Variants in CWH43 observed in about 807,000 individuals in gnomAD.
CWH43 encodes PGAP2-interacting protein.
In CWH43, 91 loss-of-function variants were observed where a neutral mutation model predicts 85.7. That is an observed-to-expected ratio of 1.06 (90% CI 0.90 to 1.26). CWH43 has a LOEUF of 1.26. Ranked by LOEUF, CWH43 falls within the 50% of genes most tolerant of loss-of-function variation. CWH43 has a pLI of 0.00. For synonymous variants in CWH43, 323 were observed against 293.6 expected (o/e 1.10, Z -1.02); for missense variants, 869 against 839.2 (o/e 1.04, Z -0.44).
intron 9 of CWH43, among the ~76,000 whole-genome samples, chr4:49,018,580 G>T (rs554832402): frequency 2.6e-5 from 4 of 152,108 alleles, no homozygotes; most frequent in Non-Finnish European, 5.9e-5. Context: ...AGTTTTAAAT[G>T]TTTTAATATC....
intron 11 of CWH43, 52 bp from the exon 12 acceptor site, chr4:49,032,514 T>C: frequency 6.2e-7 from 1 of 1,601,102 alleles, no homozygotes; most frequent in Non-Finnish European, 8.6e-7. Flanking sequence ...TCCCAGTGCA[T>C]GGTAGAATGG....
chr4:49,017,771 A>C (rs1400422448), intron 9 of CWH43, among the ~76,000 whole-genome samples: 2 of 152,128 alleles, frequency 1.3e-5, no homozygotes, highest in African/African-American at 2.4e-5. Flanking sequence ...AGTGAAAGGC[A>C]AACAGGGAGC....
intron 12 of CWH43, among the ~76,000 whole-genome samples, chr4:49,036,658 C>T (rs1480976201): frequency 2.0e-5 from 3 of 152,206 alleles, no homozygotes; most frequent in South Asian, 2.1e-4. Flanking sequence ...GGGCACCATT[C>T]CTTGCTCTTA....
chr4:48,992,072 C>T lies in CWH43; in HGVS notation c.493C>T (p.Leu165Phe), dbSNP rs1474244607. The change falls in exon 4 of 16, where the codon CTT becomes TTT. Residue 165 changes from leucine to phenylalanine, a missense_variant. Leu to Phe is a conservative substitution (Grantham distance 22). Coordinates refer to ENST00000226432, the MANE Select transcript of CWH43 (RefSeq NM_025087.3). This position sits in a 1 kb window ranked among gnomAD's most constrained non-coding sequence, Gnocchi z 4.3. ...ACTGACATTAAGTGCCATAGCCACA[C>T]TTGATCGTATTGGCACAGGTAATAC... ...VILTLSAIAT[L>F]DRIGTDGDCS... The T allele has an allele frequency of 6.2e-7, 1 of 1,613,788 alleles. No homozygotes were observed. The highest frequency in any genetic ancestry group is 8.5e-7 in the Non-Finnish European group (1 of 1,179,868).
Position 49,061,812 on chromosome 4 carries a change from A to C in CWH43, c.2022A>C (p.Arg674Ser). The C allele has an allele frequency of 7.2e-7, 1 of 1,385,976 alleles. No individual in the cohort carries two copies. The highest frequency in any genetic ancestry group is 9.6e-7 in the Non-Finnish European group (1 of 1,043,448). 85.9% of individuals were successfully genotyped at this position (1,385,976 alleles called of 1,614,324 possible). A position where few individuals can be genotyped will look rare whatever the true frequency, so the allele number is the denominator to read the frequency against. Residue 674 changes from arginine (R) to serine (S), a missense_variant and splice_region_variant, in exon 16 of 16, where the codon AGA becomes AGC. Arg to Ser is a moderately radical substitution (Grantham distance 110). Coordinates refer to ENST00000226432, the MANE Select transcript of CWH43 (RefSeq NM_025087.3). Reference protein sequence around the residue: ...EVSEKIHFNPRFGSYKEGHNY... With the variant: ...EVSEKIHFNPSFGSYKEGHNY... ...TTTTATTTATTTTTTATTTTTTTAG[A>C]TTTGGATCCTACAAAGAAGGACACA...
At chr4:49,009,876 G>C (rs1364978802) in intron 8 of CWH43, among the ~76,000 whole-genome samples, 3 of 152,246 alleles carry the variant, frequency 2.0e-5, no homozygotes, top group East Asian at 1.9e-4. Context: ...GATTTGGTTT[G>C]CCAGTATTTT....
At chr4:49,017,363 A>T (rs776094638) in intron 9 of CWH43, 35 bp downstream of exon 9, 1 of 1,390,004 alleles carries the variant, frequency 7.2e-7, no homozygotes, top group South Asian at 1.2e-5. Flanking sequence ...AGAATTTTAT[A>T]TGGTATATAT....
chr4:49,059,623 A>G (rs1785076074), intron 15 of CWH43, among the ~76,000 whole-genome samples: 1 of 152,196 alleles, frequency 6.6e-6, no homozygotes, highest in African/African-American at 2.4e-5. Context: ...TGGCTGGTCC[A>G]AAGATTCTCA....
chr4:48,998,538 G>T lies in CWH43; in HGVS notation c.792G>T (p.Trp264Cys), dbSNP rs765237802. The T allele has an allele frequency of 1.2e-6, 2 of 1,613,358 alleles. No homozygotes were observed. Among genetic ancestry groups the T allele is most frequent in the Non-Finnish European group, 1.7e-6 (2 of 1,179,314 alleles). The part of the protein sequence containing the change: ...CLWFRGTGLI[W>C]WVTGTASAAG... ...GGTTTCGTGGTACTGGTTTGATCTG[G>T]TGGGTTACAGGTATGTGGAATTTAC... The change falls in exon 6 of 16, where the codon TGG becomes TGT. Residue 264 changes from tryptophan to cysteine, a missense_variant. Transcript: ENST00000226432.
At chr4:49,036,751 C>T (rs1025418024) in intron 12 of CWH43, among the ~76,000 whole-genome samples, 4 of 152,196 alleles carry the variant, frequency 2.6e-5, no homozygotes, top group Non-Finnish European at 4.4e-5. Flanking sequence ...CAATGGGAGG[C>T]ACTAGTGCAA....
chr4:49,044,793 A>T lies in CWH43; in HGVS notation c.1811A>T (p.Asp604Val), dbSNP rs1053433656. Reference protein sequence around the residue: ...LTEHGNVKDIDSTDHDRWCEY... With the variant: ...LTEHGNVKDIVSTDHDRWCEY... The stretch of plus-strand genomic sequence containing the variant: ...CTCTCTGCTCTTTATTAGGATATCG[A>T]CAGCACTGATCATGACAGATGGTGT... The change falls in exon 14 of 16, where the codon GAC becomes GTC. Residue 604 changes from aspartate to valine, a missense_variant. Transcript: ENST00000226432. The T allele has an allele frequency of 6.2e-7, 1 of 1,612,852 alleles. No individual in the cohort carries two copies. Among genetic ancestry groups the T allele is most frequent in the Non-Finnish European group, 8.5e-7 (1 of 1,179,156 alleles).
chr4:49,004,457 G>A (rs760074855), intron 7 of CWH43, among the ~76,000 whole-genome samples: 9 of 152,176 alleles, frequency 5.9e-5, no homozygotes, highest in Non-Finnish European at 2.9e-5. Flanking sequence ...TGTGATCACA[G>A]CTCACTGCAG....
chr4:48,988,038 G>A (rs1782545840), intron 1 of CWH43, among the ~76,000 whole-genome samples: 1 of 152,182 alleles, frequency 6.6e-6, no homozygotes, highest in Admixed American at 6.6e-5. Flanking sequence ...ACTGTCTACA[G>A]CCATATGGGC....
intron 9 of CWH43, 28 bp from the exon 10 acceptor site, chr4:49,028,601 C>A: frequency 6.4e-7 from 1 of 1,551,126 alleles, no homozygotes; most frequent in East Asian, 2.3e-5. Context: ...CACAGTCATC[C>A]TAAACTACCA....
chr4:49,037,302 G>C (rs1784290251), intron 12 of CWH43, among the ~76,000 whole-genome samples: 1 of 152,224 alleles, frequency 6.6e-6, no homozygotes, highest in South Asian at 2.1e-4. Flanking sequence ...TGGGCGCAGT[G>C]GCTCACGCCT....
At chr4:49,000,920 T>C (rs549640703) in intron 6 of CWH43, among the ~76,000 whole-genome samples, 31 of 152,202 alleles carry the variant, frequency 2.0e-4, no homozygotes, top group Non-Finnish European at 3.5e-4. Flanking sequence ...CAGCTTCATC[T>C]TCCTTTCTGA....
At chr4:49,013,274 C>A (rs1783426122) in intron 8 of CWH43, among the ~76,000 whole-genome samples, 4 of 152,254 alleles carry the variant, frequency 2.6e-5, no homozygotes. Flanking sequence ...GAGCAAGGCT[C>A]CCTGTGTGAG....
rs181572226 is a variant in CWH43 at position 49,045,678 on chromosome 4, A to C, written c.1865+831A>C. Among the ~76,000 whole-genome samples the C allele has an allele frequency of 4.7e-3, 715 of 152,332 alleles. 1 individual carries two copies. The highest frequency in any genetic ancestry group is 0.01 in the Middle Eastern group (3 of 294). On this transcript the variant is annotated intron_variant, in intron 14 of 15. Coordinates refer to ENST00000226432, the MANE Select transcript of CWH43 (RefSeq NM_025087.3). The stretch of plus-strand genomic sequence containing the variant: ...TGTGTAAGTATGCACTATGATGTCC[A>C]CACAATGACAAAATCGCCTTATGAC...
intron 11 of CWH43, 153 bp downstream of exon 11, chr4:49,031,113 T>G (rs901916726): frequency 4.4e-6 from 3 of 677,388 alleles, no homozygotes; most frequent in Non-Finnish European, 7.0e-6. Flanking sequence ...ATGCACATTC[T>G]GTAATTTTTC....
Sources: allele counts gnomAD v4.1 joint callset (sites outside exome capture counted in the v4.1 genomes callset), GRCh38; gene constraint gnomAD v4.1.1; non-coding constraint Gnocchi (gnomAD v3.1); transcripts MANE v1.5; gene names NCBI Gene and HGNC (gene_info 2026-07-23, HGNC 2026-07-21).